ZNF710: variants seen among roughly 807,000 people sequenced by gnomAD.
ZNF710 encodes zinc finger protein 710.
Under a neutral mutation model 50.6 loss-of-function variants are expected in ZNF710, and 13 were observed. That is an observed-to-expected ratio of 0.26 (90% CI 0.17 to 0.41). The LOEUF is 0.41. Ranked by LOEUF, ZNF710 falls within the 10% of genes least tolerant of loss-of-function variation. The pLI is 1.00. For missense variants in ZNF710, 721 were observed against 936.6 expected (o/e 0.77, Z 3.01); for synonymous variants, 383 against 397.0 (o/e 0.96, Z 0.42).
chr15:90,030,825 G>A (rs923841366), intron 1 of ZNF710, among the ~76,000 whole-genome samples: 3 of 151,954 alleles, frequency 2.0e-5, no homozygotes, highest in Non-Finnish European at 4.4e-5. Flanking sequence ...GACCATCCTG[G>A]CTAACACGGT....
chr15:90,068,294 G>A lies in ZNF710; in HGVS notation c.1157G>A (p.Arg386His), dbSNP rs752073293. 4 of 1,612,946 alleles carry A rather than the reference G, an allele frequency of 2.5e-6. No individual in the cohort carries two copies. Among genetic ancestry groups the A allele is most frequent in the East Asian group, 2.2e-5 (1 of 44,882 alleles). Residue 386 changes from arginine (R) to histidine (H), a missense_variant, in exon 2 of 5, where the codon CGC (arginine) becomes CAC (histidine). Physicochemically the swap from Arg to His is conservative, Grantham distance 29 (BLOSUM62 0). Around this residue, in one of 3 missense-constraint regions of ZNF710, gnomAD observed 326 missense variants for 522.0 expected, o/e 0.62. Coordinates refer to ENST00000268154, the MANE Select transcript of ZNF710 (RefSeq NM_198526.4). This position sits in a 1 kb window ranked among gnomAD's most constrained non-coding sequence, Gnocchi z 5.0. ...CCCTACAGCTGCCACTTCTGCGGCC[G>A]CGGCTTCGCCTACCCCAGCGAGCTC... ...VKPYSCHFCG[R>H]GFAYPSELKA...
At position 90,059,249 on chromosome 15, in the gene ZNF710, C is replaced by T. The variant is rs549206920; in HGVS notation, c.-28-7861C>T. On this transcript the variant is annotated intron_variant, in intron 1 of 4. Transcript: ENST00000268154. This position sits in a 1 kb window ranked among gnomAD's most constrained non-coding sequence, Gnocchi z 4.1. ...GCAGAGGCCCCAAGGTAGGAAACAT[C>T]GGTGAGTTGGGGGCAGAGGGGCAGT... 3.3e-5 allele frequency among the ~76,000 whole-genome samples: 5 copies of T among 152,166 alleles called. No homozygotes were observed. The highest frequency in any genetic ancestry group is 1.2e-4 in the African/African-American group (5 of 41,434).
At chr15:90,049,779 C>T (rs548320216) in intron 1 of ZNF710, among the ~76,000 whole-genome samples, 63 of 152,338 alleles carry the variant, frequency 4.1e-4, no homozygotes, top group African/African-American at 1.5e-3. Context: ...GCCTTGGCCT[C>T]CTCCTTTGTG....
intron 1 of ZNF710, among the ~76,000 whole-genome samples, chr15:90,039,849 G>T (rs1899244963): frequency 6.6e-6 from 1 of 152,194 alleles, no homozygotes; most frequent in African/African-American, 2.4e-5. Context: ...CAAGCAAGGG[G>T]CGCTGTCCCA....
In ZNF710 at chr15:90,068,136, G is replaced by A. The variant is rs760601659; in HGVS notation, c.999G>A (p.Lys333=). 1.2e-6 allele frequency: 2 copies of A among 1,614,204 alleles called. No homozygotes were observed. Among genetic ancestry groups the A allele is most frequent in the Non-Finnish European group, 1.7e-6 (2 of 1,180,036 alleles). ...GCCCACACTGCAGCAAGCTCTTCAA[G>A]CAGCCCAGCCACCTGCAGACGCACC... The part of the protein sequence containing the change: ...HSCPHCSKLF[K]QPSHLQTHLL... The change falls in exon 2 of 5, where the codon AAG becomes AAA. Residue 333 remains lysine (K), a synonymous_variant. Transcript: ENST00000268154. The surrounding 1 kb of genome is among the most constrained non-coding windows in gnomAD (Gnocchi z 5.0).
chr15:90,053,426 G>A (rs1376734370), intron 1 of ZNF710, among the ~76,000 whole-genome samples: 4 of 151,102 alleles, frequency 2.6e-5, no homozygotes, highest in Non-Finnish European at 5.9e-5. Context: ...ACGGCTCACT[G>A]CAACCTCGAC....
At chr15:90,008,661 G>A (rs920180888) in intron 1 of ZNF710, among the ~76,000 whole-genome samples, 1 of 150,758 alleles carries the variant, frequency 6.6e-6, no homozygotes, top group Non-Finnish European at 1.5e-5. Flanking sequence ...TGTAGCTGTA[G>A]TCCCAGCTAC....
chr15:90,062,906 G>T lies in ZNF710; in HGVS notation c.-28-4204G>T, dbSNP rs965142683. Among the ~76,000 whole-genome samples the T allele has an allele frequency of 2.0e-5, 3 of 152,194 alleles. No individual in the cohort carries two copies. ...ACAAGACAACATGGACACGGGGCCT[G>T]CCCCCATAAGCCTCACAAAGAGAGC... is the stretch of plus-strand genomic sequence containing the variant. On this transcript the variant is annotated intron_variant, in intron 1 of 4. Transcript: ENST00000268154. This position sits in a 1 kb window ranked among gnomAD's most constrained non-coding sequence, Gnocchi z 5.6.
chr15:90,041,544 T>G (rs1044195430), intron 1 of ZNF710, among the ~76,000 whole-genome samples: 1 of 152,168 alleles, frequency 6.6e-6, no homozygotes, highest in African/African-American at 2.4e-5. Flanking sequence ...TTTGTTCACT[T>G]TAATATATTA....
intron 1 of ZNF710, among the ~76,000 whole-genome samples, chr15:90,033,917 A>C (rs887345966): frequency 6.6e-6 from 1 of 152,168 alleles, no homozygotes; most frequent in Non-Finnish European, 1.5e-5. Flanking sequence ...AGAAAATGGG[A>C]ATGGCTGGAT....
At chr15:90,003,393 A>G (rs2151454427) in intron 1 of ZNF710, among the ~76,000 whole-genome samples, 1 of 152,252 alleles carries the variant, frequency 6.6e-6, no homozygotes, top group Middle Eastern at 3.4e-3. Flanking sequence ...GTGTGCGGAG[A>G]AGGACTTTGT....
intron 1 of ZNF710, among the ~76,000 whole-genome samples, chr15:90,065,486 G>C (rs374261816): frequency 6.6e-6 from 1 of 152,234 alleles, no homozygotes; most frequent in African/African-American, 2.4e-5. Context: ...GAGAGGGCAC[G>C]AGGGCAGGCC....
In ZNF710 at chr15:90,079,864, C is replaced by T. The variant is rs761010548; in HGVS notation, c.*35C>T. ...GGCCACCCCTAACGGGGGCCGGGGG[C>T]GAGGGCATGGGGGTGAGACCCATGG... On this transcript the variant is annotated 3_prime_UTR_variant, in exon 5 of 5. Transcript: ENST00000268154. 2.1e-5 allele frequency: 33 copies of T among 1,558,504 alleles called. No individual in the cohort carries two copies. The highest frequency in any genetic ancestry group is 1.5e-4 in the African/African-American group (11 of 72,052).
At position 90,081,039 on chromosome 15, in the gene ZNF710, G is replaced by A. The variant is rs750090123; in HGVS notation, c.*1210G>A. ...CATGGGGACTGTCACCCTGGCCCTG[G>A]AGGTGCAGCCGCTGGCAGCAGCCTC... On this transcript the variant is annotated 3_prime_UTR_variant, in exon 5 of 5. Coordinates refer to ENST00000268154, the MANE Select transcript of ZNF710 (RefSeq NM_198526.4). 4 of 152,198 alleles carry A rather than the reference G, an allele frequency of 2.6e-5. No homozygotes were observed. Among genetic ancestry groups the A allele is most frequent in the Non-Finnish European group, 5.9e-5 (4 of 68,066 alleles). 9.4% of individuals were successfully genotyped at this position (152,198 alleles called of 1,614,324 possible). A position where few individuals can be genotyped will look rare whatever the true frequency, so the allele number is the denominator to read the frequency against.
chr15:90,070,315 A>G (rs2151531972), intron 2 of ZNF710, among the ~76,000 whole-genome samples: 1 of 151,450 alleles, frequency 6.6e-6, no homozygotes, highest in Non-Finnish European at 1.5e-5. Flanking sequence ...GCTCCTATTA[A>G]TAGCCACTGC....
chr15:89,999,344 A>G (rs1238473132), upstream of ZNF710, among the ~76,000 whole-genome samples: 3 of 152,338 alleles, frequency 2.0e-5, no homozygotes, highest in Non-Finnish European at 2.9e-5. Flanking sequence ...AGCAGCCAGC[A>G]CCTTCGCCGG....
rs143521346 is a variant in ZNF710, at chr15:90,016,638, G to A, written c.-29+15024G>A. Among the ~76,000 whole-genome samples the A allele has an allele frequency of 1.7e-3, 262 of 152,226 alleles. 1 individual carries two copies. Among genetic ancestry groups the A allele is most frequent in the African/African-American group, 5.9e-3 (246 of 41,536 alleles). On this transcript the variant is annotated intron_variant, in intron 1 of 4. Transcript: ENST00000268154. ...TAAATTTTTTGTAGAGGTGGGGTCT[G>A]TGCTGGTCTCAAGCTAACGGCCTCA...
At chr15:90,047,785 C>T (rs775912814) in intron 1 of ZNF710, among the ~76,000 whole-genome samples, 4 of 151,914 alleles carry the variant, frequency 2.6e-5, no homozygotes, top group Non-Finnish European at 5.9e-5. Context: ...CGGCATTTCA[C>T]CATGTTGGCC....
intron 4 of ZNF710, among the ~76,000 whole-genome samples, chr15:90,077,502 C>A (rs181669095): frequency 6.6e-6 from 1 of 152,154 alleles, no homozygotes; most frequent in Non-Finnish European, 1.5e-5. Context: ...CCTTGGCCTC[C>A]CAAAGTGCTG....
Sources: allele counts gnomAD v4.1 joint callset (sites outside exome capture counted in the v4.1 genomes callset), GRCh38; gene constraint gnomAD v4.1.1; regional missense constraint gnomAD v4.1.1; non-coding constraint Gnocchi (gnomAD v3.1); transcripts MANE v1.5; gene names NCBI Gene and HGNC (gene_info 2026-07-23, HGNC 2026-07-21).